Variants in ADGRL1 observed in about 807,000 individuals in gnomAD.
ADGRL1 encodes adhesion G protein-coupled receptor L1, also known as CIRL-1.
Under a neutral mutation model 148.9 loss-of-function variants are expected in ADGRL1, and 31 were observed. The observed-to-expected ratio is 0.21, with a 90% CI of 0.16 to 0.28. ADGRL1 has a LOEUF of 0.28. ADGRL1 is among the 10% of genes least tolerant of loss of function. The probability of loss-of-function intolerance (pLI) is 1.00; values close to 1 mark genes in which losing one functional copy is unlikely to be tolerated. For synonymous variants in ADGRL1, 937 were observed against 900.3 expected (o/e 1.04, Z -0.73); for missense variants, 1,521 against 2,058.8 (o/e 0.74, Z 5.05).
Position 14,157,472 on chromosome 19 carries a change from A to C in ADGRL1, c.2536-12T>G, listed in dbSNP as rs1308209792. On this transcript the variant is annotated splice_polypyrimidine_tract_variant and intron_variant, in intron 13 of 22. Transcript: ENST00000361434. This position sits in a 1 kb window ranked among gnomAD's most constrained non-coding sequence, Gnocchi z 7.5. ...ATGCGGCCCTGGTACTGGGGACAGGAACAGGGGGCACGCTCAGGGCCTTTG... is the reference window on the plus strand; with the variant it reads ...ATGCGGCCCTGGTACTGGGGACAGGCACAGGGGGCACGCTCAGGGCCTTTG... 1.2e-6 allele frequency: 2 copies of C among 1,613,380 alleles called. No homozygotes were observed. The highest frequency in any genetic ancestry group is 1.7e-6 in the Non-Finnish European group (2 of 1,179,700).
rs369228894 is a variant in ADGRL1 at position 14,158,470 on chromosome 19, G to A, written c.2232C>T (p.Gly744=). The A allele has an allele frequency of 4.1e-5, 66 of 1,613,838 alleles. No individual in the cohort carries two copies. The highest frequency in any genetic ancestry group is 1.1e-4 in the East Asian group (5 of 44,896). Residue 744 remains glycine, a synonymous_variant, in exon 12 of 23, where the codon GGC becomes GGT. Coordinates refer to ENST00000361434, the MANE Select transcript of ADGRL1 (RefSeq NM_014921.5). ...STENATVKLA[G]EAGPGGPGGA... is the part of the protein sequence containing the mutation. ...CCCCAGGGCCACCCGGGCCTGCTTC[G>A]CCGGCCAGCTTCACTGTGGCATTCT...
chr19:14,185,172 C>T (rs1243444002), intron 1 of ADGRL1, among the ~76,000 whole-genome samples: 1 of 152,160 alleles, frequency 6.6e-6, no homozygotes, highest in African/African-American at 2.4e-5. Context: ...TCCTCTCAGG[C>T]TTGCACGCTC....
At chr19:14,179,810 C>T (rs918968542) in intron 2 of ADGRL1, among the ~76,000 whole-genome samples, 3 of 151,546 alleles carry the variant, frequency 2.0e-5, no homozygotes, top group Admixed American at 2.0e-4. Flanking sequence ...ACTTGGGAGG[C>T]GAGGCAGGAC....
rs574807753 is a variant in ADGRL1, at chr19:14,196,334, C to A, written c.-96+9651G>T. 3.1e-3 allele frequency among the ~76,000 whole-genome samples: 467 copies of A among 152,328 alleles called. 2 individuals are homozygous for A. Among genetic ancestry groups the A allele is most frequent in the African/African-American group, 0.011 (451 of 41,588 alleles). On this transcript the variant is annotated intron_variant, in intron 1 of 22. Coordinates refer to ENST00000361434, the MANE Select transcript of ADGRL1 (RefSeq NM_014921.5). ...GTCTGTATCATACAAAGGCTCTGCA[C>A]TGGGCCGGATGTGGCGGCGCACACC...
At chr19:14,197,975 G>A (rs986857172) in intron 1 of ADGRL1, among the ~76,000 whole-genome samples, 6 of 152,100 alleles carry the variant, frequency 3.9e-5, no homozygotes, top group Non-Finnish European at 7.4e-5. Flanking sequence ...CTGTAGACAG[G>A]GTGGCCAGGA....
chr19:14,174,198 T>G (rs1252431218), intron 3 of ADGRL1, among the ~76,000 whole-genome samples: 5 of 152,142 alleles, frequency 3.3e-5, no homozygotes, highest in South Asian at 2.1e-4. Context: ...CCAAAGCTGG[T>G]GTTGAATGAA....
chr19:14,156,551 G>C, intron 16 of ADGRL1, 107 bp downstream of exon 16: 1 of 798,674 alleles, frequency 1.3e-6, no homozygotes, highest in South Asian at 1.6e-5. Flanking sequence ...GAGAGAGAGA[G>C]AGTGTGTGTG....
chr19:14,167,320 CA>C (rs1192254001), intron 4 of ADGRL1, among the ~76,000 whole-genome samples: 1 of 151,234 alleles, frequency 6.6e-6, no homozygotes, highest in Non-Finnish European at 1.5e-5. Context: ...CAGAAAGACA[CA>C]GGGGTGGTAG....
chr19:14,187,402 C>T (rs1397230223), intron 1 of ADGRL1, among the ~76,000 whole-genome samples: 3 of 152,128 alleles, frequency 2.0e-5, no homozygotes, highest in Non-Finnish European at 2.9e-5. Flanking sequence ...CAGGGCAGGA[C>T]ACCTGGTCCA....
At position 14,181,129 on chromosome 19, in the gene ADGRL1, C is replaced by T. The variant is rs370503874; in HGVS notation, c.70+2404G>A. ...CAAGTCCTTCTAGTGAATGATCATA[C>T]CTGAGTGTTCTCTGGGGGACCCCCA... On this transcript the variant is annotated intron_variant, in intron 2 of 22. Coordinates refer to ENST00000361434, the MANE Select transcript of ADGRL1 (RefSeq NM_014921.5). 3.3e-5 allele frequency among the ~76,000 whole-genome samples: 5 copies of T among 152,232 alleles called. No individual in the cohort carries two copies. In the East Asian group the frequency reaches 7.7e-4, roughly 23 times the overall value.
chr19:14,178,803 C>A (rs1284405907), intron 2 of ADGRL1, among the ~76,000 whole-genome samples: 1 of 152,148 alleles, frequency 6.6e-6, no homozygotes, highest in Admixed American at 6.6e-5. Context: ...TGAGTCCTCG[C>A]ACCTGGCTAA....
At chr19:14,176,844 A>G (rs1216703897) in intron 3 of ADGRL1, among the ~76,000 whole-genome samples, 1 of 151,930 alleles carries the variant, frequency 6.6e-6, no homozygotes, top group Non-Finnish European at 1.5e-5. Flanking sequence ...CTTCAAAAAA[A>G]AAAAAAGAGT....
chr19:14,151,046 C>T lies in ADGRL1; in HGVS notation c.4237G>A (p.Gly1413Ser), dbSNP rs753258208. The change falls in exon 23 of 23, where the codon GGC (glycine) becomes AGC (serine). Residue 1413 changes from glycine (G) to serine (S), a missense_variant. Around this residue, in one of 8 missense-constraint regions of ADGRL1, gnomAD observed 390 missense variants for 375.0 expected, o/e 1.04. Transcript: ENST00000361434. ...GAGGTGTAGTAGATTTCGGGGGGGC[C>T]GGGGGGTGCGGGAGGGGGTGGGGGC... is the stretch of plus-strand genomic sequence containing the variant. ...ALPPPPPAPPGPPEIYYTSRP... is the reference protein window; with the variant it reads ...ALPPPPPAPPSPPEIYYTSRP... 7.8e-5 allele frequency: 23 copies of T among 294,408 alleles called. No homozygotes were observed. The South Asian group carries it at 9.8e-4, about 13-fold the overall frequency. 18.2% of individuals were successfully genotyped at this position (294,408 alleles called of 1,614,324 possible). A position where few individuals can be genotyped will look rare whatever the true frequency, so the allele number is the denominator to read the frequency against.
Position 14,168,579 on chromosome 19 carries a change from C to T in ADGRL1, c.394+2103G>A, listed in dbSNP as rs531238004. The stretch of plus-strand genomic sequence containing the variant: ...GTCTCTGTCGGTTGTAGCCCCTGGA[C>T]CACGCTCAGGGCCTCGGCTCCAGGA... On this transcript the variant is annotated intron_variant, in intron 4 of 22. Coordinates refer to ENST00000361434, the MANE Select transcript of ADGRL1 (RefSeq NM_014921.5). 3.3e-5 allele frequency among the ~76,000 whole-genome samples: 5 copies of T among 151,812 alleles called. No individual in the cohort carries two copies. The East Asian group carries it at 7.7e-4, about 23-fold the overall frequency.
intron 3 of ADGRL1, among the ~76,000 whole-genome samples, chr19:14,172,421 CAAACA>C (rs1466914345): frequency 6.6e-6 from 1 of 151,290 alleles, no homozygotes; most frequent in Non-Finnish European, 1.5e-5. Context: ...GACTCCGTCT[CAAACA>C]AAACAAAAGA....
chr19:14,192,819 G>A (rs1972029037), intron 1 of ADGRL1, among the ~76,000 whole-genome samples: 1 of 152,144 alleles, frequency 6.6e-6, no homozygotes, highest in Non-Finnish European at 1.5e-5. Flanking sequence ...CCAAAGTGCT[G>A]AGATTACAGG....
chr19:14,155,177 CT>C lies in ADGRL1; in HGVS notation c.3294+181del. The C allele has an allele frequency of 1.7e-6, 1 of 598,318 alleles. No individual in the cohort carries two copies. The highest frequency in any genetic ancestry group is 2.8e-6 in the Non-Finnish European group (1 of 350,956). 37.1% of individuals were successfully genotyped at this position (598,318 alleles called of 1,614,324 possible). ...AACCCTCTTCACCCGTGGTTAAACC[CT>C]CCCTAACCCTGAGCTCGTGCTCCCC... On this transcript the variant is annotated intron_variant, in intron 18 of 22. Coordinates refer to ENST00000361434, the MANE Select transcript of ADGRL1 (RefSeq NM_014921.5). This position sits in a 1 kb window ranked among gnomAD's most constrained non-coding sequence, Gnocchi z 5.0.
chr19:14,152,211 C>A lies in ADGRL1; in HGVS notation c.3650-61G>T. On this transcript the variant is annotated intron_variant, in intron 21 of 22. Coordinates refer to ENST00000361434, the MANE Select transcript of ADGRL1 (RefSeq NM_014921.5). This position sits in a 1 kb window ranked among gnomAD's most constrained non-coding sequence, Gnocchi z 6.1. ...CAAGGATGAGCTCGAAATGCAAGTCCAGGCTCCAGTTCTGGGGCACAGAAC... is the reference window on the plus strand; with the variant it reads ...CAAGGATGAGCTCGAAATGCAAGTCAAGGCTCCAGTTCTGGGGCACAGAAC... 1 of 1,614,058 alleles carries A rather than the reference C, an allele frequency of 6.2e-7. No individual in the cohort carries two copies. The highest frequency in any genetic ancestry group is 8.5e-7 in the Non-Finnish European group (1 of 1,179,988).
At position 14,183,704 on chromosome 19, in the gene ADGRL1, G is replaced by T; in HGVS notation, c.-95-7C>A. 9.5e-7 allele frequency: 1 copy of T among 1,049,554 alleles called. No homozygotes were observed. Among genetic ancestry groups the T allele is most frequent in the Non-Finnish European group, 1.4e-6 (1 of 721,240 alleles). The allele number at this position is 1,049,554 out of a possible 1,614,324, so 65.0% of individuals were successfully genotyped here. On this transcript the variant is annotated splice_polypyrimidine_tract_variant and splice_region_variant and intron_variant, in intron 1 of 22. Transcript: ENST00000361434. ...CACGGCCTGGACCACCAGCCTGGGG[G>T]AGGACAGGGAGACTGAGGTGGGGAT...
Sources: gnomAD v4.1 joint callset for allele counts (sites outside exome capture counted in the v4.1 genomes callset) on GRCh38, gnomAD v4.1.1 for gene constraint, gnomAD v4.1.1 regional missense constraint, Gnocchi (gnomAD v3.1) non-coding constraint, MANE v1.5 for transcripts, NCBI Gene and HGNC (gene_info 2026-07-23, HGNC 2026-07-21) for gene names.